Variants in PAN3 observed in about 807,000 individuals in gnomAD.
PAN3 encodes the protein PAN2-PAN3 deadenylation complex subunit PAN3.
A neutral mutation model predicts 96.2 loss-of-function variants in PAN3; 19 were observed. The observed-to-expected ratio is 0.20, with a 90% CI of 0.14 to 0.29. The LOEUF is 0.29. Among genes scored for constraint, PAN3 ranks in the 10% least tolerant of loss-of-function variants. The pLI, the probability that PAN3 is intolerant of heterozygous loss-of-function variation, is 1.00. For missense variants in PAN3, 882 were observed against 1,108.1 expected, an observed-to-expected ratio of 0.80 and a Z score of 2.90; for synonymous variants, 433 against 406.6, an observed-to-expected ratio of 1.06 and a Z score of -0.78.
intron 12 of PAN3, among the ~76,000 whole-genome samples, chr13:28,267,709 A>G (rs532675372): frequency 2.0e-5 from 3 of 152,284 alleles, no homozygotes; most frequent in African/African-American, 7.2e-5. Flanking sequence ...GCCAAGTAAA[A>G]GGGGTTTCCC....
chr13:28,211,983 A>G (rs1488995646), intron 5 of PAN3, among the ~76,000 whole-genome samples: 2 of 152,202 alleles, frequency 1.3e-5, no homozygotes, highest in African/African-American at 2.4e-5. Context: ...TAAGGTGGCA[A>G]TACTATACAA....
At position 28,245,356 on chromosome 13, in the gene PAN3, CTTT is replaced by C. The variant is rs370916531; in HGVS notation, c.1001-10932_1001-10930del. On this transcript the variant is annotated intron_variant, in intron 6 of 18. Transcript: ENST00000380958. ...AGTTGTTTATATCTACAGATTTTATCTTTTTTGTTGCTGCTAGTAAATGTAAGT... is the reference window on the plus strand; with the variant it reads ...AGTTGTTTATATCTACAGATTTTATCTTTGTTGCTGCTAGTAAATGTAAGT... 1.3e-4 allele frequency among the ~76,000 whole-genome samples: 19 copies of C among 148,602 alleles called. No individual in the cohort carries two copies. In the East Asian group the frequency reaches 3.5e-3, roughly 28 times the overall value.
At chr13:28,170,048 AAATAAT>A (rs924651646) in intron 1 of PAN3, among the ~76,000 whole-genome samples, 1 of 152,036 alleles carries the variant, frequency 6.6e-6, no homozygotes, top group Admixed American at 6.6e-5. Flanking sequence ...CTCCATCTCA[AAATAAT>A]AATAATACAA....
chr13:28,195,006 T>C (rs1490747845), intron 4 of PAN3, among the ~76,000 whole-genome samples: 1 of 152,204 alleles, frequency 6.6e-6, no homozygotes, highest in Non-Finnish European at 1.5e-5. Flanking sequence ...TCTATGGCTT[T>C]TCTAAAGTAT....
At chr13:28,241,857 T>G (rs1190958117) in intron 6 of PAN3, among the ~76,000 whole-genome samples, 2 of 152,220 alleles carry the variant, frequency 1.3e-5, no homozygotes, top group Non-Finnish European at 2.9e-5. Flanking sequence ...GATATTGGCC[T>G]TGTTATTAAG....
intron 6 of PAN3, among the ~76,000 whole-genome samples, chr13:28,228,491 C>T (rs1051079833): frequency 2.6e-5 from 4 of 152,112 alleles, no homozygotes; most frequent in African/African-American, 9.7e-5. Context: ...CTAAATTTTT[C>T]AGTCACGAAT....
intron 6 of PAN3, among the ~76,000 whole-genome samples, chr13:28,220,725 ATATT>A (rs1448185645): frequency 1.3e-5 from 2 of 152,202 alleles, no homozygotes; most frequent in African/African-American, 4.8e-5. Flanking sequence ...AAGAACGTGA[ATATT>A]TATGTACATA....
chr13:28,264,602 A>T (rs1376735531), intron 9 of PAN3, among the ~76,000 whole-genome samples: 1 of 152,220 alleles, frequency 6.6e-6, no homozygotes, highest in Non-Finnish European at 1.5e-5. Context: ...AAGGGATATC[A>T]ATTAAACACC....
chr13:28,141,726 T>C (rs1327492295), intron 1 of PAN3, among the ~76,000 whole-genome samples: 2 of 152,128 alleles, frequency 1.3e-5, no homozygotes, highest in African/African-American at 4.8e-5. Context: ...CTCGGCCTCC[T>C]AGGGATTACT....
intron 1 of PAN3, among the ~76,000 whole-genome samples, chr13:28,173,774 A>C (rs1874601008): frequency 6.6e-6 from 1 of 152,212 alleles, no homozygotes; most frequent in Admixed American, 6.5e-5. Context: ...TAAACTCTAA[A>C]GAGAACTATC....
intron 1 of PAN3, among the ~76,000 whole-genome samples, chr13:28,155,297 A>G (rs1017456805): frequency 2.6e-5 from 4 of 152,078 alleles, no homozygotes; most frequent in African/African-American, 9.7e-5. Context: ...GATGTTGGGG[A>G]ATACAAAGAC....
At chr13:28,226,710 A>C (rs749071823) in intron 6 of PAN3, among the ~76,000 whole-genome samples, 16 of 152,230 alleles carry the variant, frequency 1.1e-4, no homozygotes, top group Non-Finnish European at 1.5e-4. Flanking sequence ...ATGCAGGTGA[A>C]TAGTCAAATG....
intron 4 of PAN3, among the ~76,000 whole-genome samples, chr13:28,192,139 A>G (rs540252133): frequency 1.3e-5 from 2 of 149,288 alleles, no homozygotes; most frequent in African/African-American, 5.0e-5. Context: ...GCACCATCTC[A>G]GCTCACTGCA....
chr13:28,242,026 C>T (rs1883710774), intron 6 of PAN3, among the ~76,000 whole-genome samples: 1 of 152,034 alleles, frequency 6.6e-6, no homozygotes, highest in African/African-American at 2.4e-5. Context: ...ATTTGTATAA[C>T]CCATGTTTAC....
chr13:28,227,700 GAC>G (rs1882147022), intron 6 of PAN3, among the ~76,000 whole-genome samples: 1 of 152,218 alleles, frequency 6.6e-6, no homozygotes, highest in Non-Finnish European at 1.5e-5. Context: ...ACAGTAAAGA[GAC>G]AGAAATGAAG....
At chr13:28,226,136 C>T (rs764893305) in intron 6 of PAN3, among the ~76,000 whole-genome samples, 15 of 152,098 alleles carry the variant, frequency 9.9e-5, no homozygotes, top group Non-Finnish European at 5.9e-5. Flanking sequence ...TTTCATTGTG[C>T]GTTTTAGGGC....
chr13:28,162,956 T>G (rs1000159488), intron 1 of PAN3, among the ~76,000 whole-genome samples: 2 of 151,860 alleles, frequency 1.3e-5, no homozygotes, highest in African/African-American at 4.8e-5. Context: ...ACATACAGTG[T>G]AGTTACAGAT....
At chr13:28,147,696 A>G (rs1443585736) in intron 1 of PAN3, among the ~76,000 whole-genome samples, 1 of 152,182 alleles carries the variant, frequency 6.6e-6, no homozygotes, top group African/African-American at 2.4e-5. Flanking sequence ...TTAAACCTCA[A>G]AATCTGAAAT....
intron 17 of PAN3, among the ~76,000 whole-genome samples, chr13:28,282,224 A>G (rs1250996684): frequency 1.3e-5 from 2 of 152,244 alleles, no homozygotes; most frequent in Admixed American, 1.3e-4. Context: ...ATAACTGTCA[A>G]AGACAGGTAG....
Sources: allele counts gnomAD v4.1 joint callset (sites outside exome capture counted in the v4.1 genomes callset), GRCh38; gene constraint gnomAD v4.1.1; transcripts MANE v1.5; gene names NCBI Gene and HGNC (gene_info 2026-07-23, HGNC 2026-07-21).